XRCC4: variants seen among roughly 807,000 people sequenced by gnomAD.
The protein encoded by XRCC4 is DNA repair protein XRCC4.
In XRCC4, 28 loss-of-function variants were observed where a neutral mutation model predicts 39.1. The ratio of observed to expected loss-of-function variants is 0.72; its 90% CI spans 0.53 to 0.98. The LOEUF is 0.98. Among genes scored for constraint, XRCC4 ranks in the 50% least tolerant of loss-of-function variants. XRCC4 has a pLI of 0.00. For synonymous variants in XRCC4, 123 were observed against 126.4 expected (o/e 0.97, Z 0.18); for missense variants, 350 against 376.4 (o/e 0.93, Z 0.58).
intron 3 of XRCC4, among the ~76,000 whole-genome samples, chr5:83,117,014 A>G (rs1564211): frequency 0.49 from 73,874 of 151,940 alleles, 18,758 homozygotes; most frequent in African/African-American, 0.62. Context: ...TGGGTCAGCA[A>G]TTTTCATGAG....
intron 3 of XRCC4, among the ~76,000 whole-genome samples, chr5:83,151,048 G>C (rs1561364968): frequency 6.6e-6 from 1 of 151,870 alleles, no homozygotes; most frequent in African/African-American, 2.4e-5. Context: ...TTAAAATAAA[G>C]CTGTGCATTT....
Position 83,353,099 on chromosome 5 carries a change from TA to T in XRCC4, c.894-28del. The T allele has an allele frequency of 2.0e-6, 3 of 1,526,712 alleles. No individual in the cohort carries two copies. The South Asian group carries it at 3.7e-5, about 19-fold the overall frequency. 94.6% of individuals were successfully genotyped at this position (1,526,712 alleles called of 1,614,324 possible). ...ACTCTATAACAGAAGTTTTTAAAAA[TA>T]AAACTATTTTGATTTTCTTTTCAGT... On this transcript the variant is annotated intron_variant, in intron 7 of 7. Transcript: ENST00000396027.
chr5:83,081,883 G>C (rs186649524), intron 1 of XRCC4, among the ~76,000 whole-genome samples: 106 of 152,180 alleles, frequency 7.0e-4, no homozygotes, highest in Admixed American at 2.2e-3. Context: ...CTTGAACTCA[G>C]ATGTCCCAGA....
intron 7 of XRCC4, among the ~76,000 whole-genome samples, chr5:83,331,086 G>A (rs1356907163): frequency 6.6e-6 from 1 of 152,014 alleles, no homozygotes; most frequent in Non-Finnish European, 1.5e-5. Context: ...GTGCCCTCCT[G>A]GTGTAGTTTA....
chr5:83,195,543 C>T (rs954829877), intron 3 of XRCC4, among the ~76,000 whole-genome samples: 5 of 152,066 alleles, frequency 3.3e-5, no homozygotes, highest in African/African-American at 1.2e-4. Context: ...GAGTGACTTA[C>T]CACTTACAAA....
At chr5:83,305,790 G>C (rs1755462393) in intron 7 of XRCC4, among the ~76,000 whole-genome samples, 2 of 152,096 alleles carry the variant, frequency 1.3e-5, no homozygotes, top group Non-Finnish European at 2.9e-5. Context: ...ACTGTAGCTA[G>C]AGCTTAATTA....
intron 7 of XRCC4, among the ~76,000 whole-genome samples, chr5:83,281,676 C>A (rs370682206): frequency 6.6e-6 from 1 of 152,284 alleles, no homozygotes; most frequent in African/African-American, 2.4e-5. Context: ...AAGTTTTACC[C>A]CCTTATGTAA....
intron 3 of XRCC4, among the ~76,000 whole-genome samples, chr5:83,123,301 A>G (rs1034793523): frequency 6.6e-6 from 1 of 151,956 alleles, no homozygotes; most frequent in Non-Finnish European, 1.5e-5. Context: ...CTCTAATTCT[A>G]TTGATGTTAT....
chr5:83,106,143 ATCAGAT>A (rs1348257413), intron 2 of XRCC4, among the ~76,000 whole-genome samples: 1 of 152,138 alleles, frequency 6.6e-6, no homozygotes, highest in Admixed American at 6.6e-5. Flanking sequence ...GAAAGCAGAA[ATCAGAT>A]TGGTTGTTGC....
At chr5:83,094,195 A>T (rs1745561213) in intron 1 of XRCC4, among the ~76,000 whole-genome samples, 1 of 151,950 alleles carries the variant, frequency 6.6e-6, no homozygotes, top group Non-Finnish European at 1.5e-5. Context: ...TTAAATATGC[A>T]TCTACCTACT....
At chr5:83,246,741 G>C (rs1753116802) in intron 6 of XRCC4, among the ~76,000 whole-genome samples, 1 of 151,956 alleles carries the variant, frequency 6.6e-6, no homozygotes. Context: ...TATACAAAGT[G>C]GTAATACTAC....
At chr5:83,191,156 A>G (rs550708125) in intron 3 of XRCC4, among the ~76,000 whole-genome samples, 5 of 152,334 alleles carry the variant, frequency 3.3e-5, no homozygotes, top group African/African-American at 1.2e-4. Context: ...CATTTCTGAA[A>G]CAACCAAAGA....
chr5:83,099,310 A>G (rs1352205894), intron 1 of XRCC4, among the ~76,000 whole-genome samples: 1 of 152,176 alleles, frequency 6.6e-6, no homozygotes, highest in African/African-American at 2.4e-5. Flanking sequence ...AAAAGAAGTC[A>G]TAATTTACTA....
the XRCC4 span, among the ~76,000 whole-genome samples, chr5:83,364,041 A>G: frequency 1.3e-5 from 2 of 152,276 alleles, no homozygotes; most frequent in South Asian, 4.1e-4. Flanking sequence ...GTGGGGTTCA[A>G]TACACTGGTA....
At chr5:83,116,600 C>A (rs1387584236) in intron 3 of XRCC4, among the ~76,000 whole-genome samples, 1 of 132,882 alleles carries the variant, frequency 7.5e-6, no homozygotes, top group Non-Finnish European at 1.6e-5. Flanking sequence ...TTACCAGTTT[C>A]TCTCTCTCTT....
At chr5:83,123,004 AT>A (rs1747084580) in intron 3 of XRCC4, among the ~76,000 whole-genome samples, 1 of 148,772 alleles carries the variant, frequency 6.7e-6, no homozygotes, top group Admixed American at 6.7e-5. Context: ...TTCATTTGCT[AT>A]TTTTGGGTGT....
At chr5:83,367,172 GT>G in the XRCC4 span, among the ~76,000 whole-genome samples, 3,123 of 152,216 alleles carry the variant, frequency 0.021, 110 homozygotes, top group African/African-American at 0.07. Flanking sequence ...AGAGCAATAA[GT>G]CATAGAAAGC....
chr5:83,284,883 A>T (rs1200798177), intron 7 of XRCC4, among the ~76,000 whole-genome samples: 1 of 152,106 alleles, frequency 6.6e-6, no homozygotes, highest in Non-Finnish European at 1.5e-5. Context: ...AATATTTAAG[A>T]ATAATATTTT....
At chr5:83,286,592 C>T (rs1173479155) in intron 7 of XRCC4, among the ~76,000 whole-genome samples, 1 of 152,128 alleles carries the variant, frequency 6.6e-6, no homozygotes, top group Non-Finnish European at 1.5e-5. Context: ...GGCCTTTCCA[C>T]TGATTGGATG....
Sources: gnomAD v4.1 joint callset for allele counts (sites outside exome capture counted in the v4.1 genomes callset) on GRCh38, gnomAD v4.1.1 for gene constraint, MANE v1.5 for transcripts, NCBI Gene and HGNC (gene_info 2026-07-23, HGNC 2026-07-21) for gene names.